SH3KBP1: variants seen among roughly 807,000 people sequenced by gnomAD.
SH3KBP1 encodes SH3 domain-containing kinase-binding protein 1.
SH3KBP1 carries 8 observed loss-of-function variants against 50.1 expected under a neutral mutation model. That is an observed-to-expected ratio of 0.16 (90% CI 0.09 to 0.29). SH3KBP1 has a LOEUF of 0.29. Among genes scored for constraint, SH3KBP1 ranks in the 10% least tolerant of loss-of-function variants. The pLI, the probability that SH3KBP1 is intolerant of heterozygous loss-of-function variation, is 1.00. For missense variants in SH3KBP1, 377 were observed against 535.2 expected (o/e 0.70, Z 2.92); for synonymous variants, 227 against 218.6 (o/e 1.04, Z -0.34).
Position 19,603,169 on chromosome X carries a change from T to A in SH3KBP1, c.1005+4769A>T, listed in dbSNP as rs2067142145. On this transcript the variant is annotated intron_variant, in intron 9 of 17. Coordinates refer to ENST00000397821, the MANE Select transcript of SH3KBP1 (RefSeq NM_031892.3). Reference sequence around the variant, plus strand: ...TCAAGGCTTAGTTGACTTCAACACATGGTTCCCTTGGCAGATCTTTCCCTT... The same window carrying A: ...TCAAGGCTTAGTTGACTTCAACACAAGGTTCCCTTGGCAGATCTTTCCCTT... Among the ~76,000 whole-genome samples, 3 of 112,369 alleles carry A rather than the reference T, an allele frequency of 2.7e-5. No homozygotes were observed. The South Asian group carries it at 1.1e-3, about 41-fold the overall frequency.
intron 8 of SH3KBP1, 139 bp downstream of exon 8, chrX:19,631,725 G>T (rs764959384): frequency 2.6e-6 from 1 of 377,693 alleles, no homozygotes. Context: ...TTGATCAAAA[G>T]GAAAGATACA....
chrX:19,799,154 C>A lies in SH3KBP1; in HGVS notation c.162+36971G>T, dbSNP rs190677984. 1.0e-4 allele frequency among the ~76,000 whole-genome samples: 11 copies of A among 110,351 alleles called. No homozygotes were observed. In the South Asian group the frequency reaches 3.6e-3, roughly 36 times the overall value. On this transcript the variant is annotated intron_variant, in intron 2 of 17. Transcript: ENST00000397821. ...GCTAAATTCCACACCTGGCTTCCCC[C>A]CTAGATTCCCAGATCTGCCAGCTGC...
At chrX:19,543,755 G>A (rs2065006330) in intron 15 of SH3KBP1, among the ~76,000 whole-genome samples, 1 of 111,416 alleles carries the variant, frequency 9.0e-6, no homozygotes, top group Admixed American at 9.5e-5. Context: ...GGCTGAAGGT[G>A]GAGGAGACTG....
At chrX:19,824,433 G>A (rs779339768) in intron 2 of SH3KBP1, among the ~76,000 whole-genome samples, 1 of 111,351 alleles carries the variant, frequency 9.0e-6, no homozygotes, top group East Asian at 2.8e-4. Context: ...AGAATCACCT[G>A]AACTTTTTAA....
At chrX:19,700,117 A>C (rs769542958) in intron 4 of SH3KBP1, among the ~76,000 whole-genome samples, 2 of 111,723 alleles carry the variant, frequency 1.8e-5, no homozygotes, top group African/African-American at 6.5e-5. Flanking sequence ...GCACCCAGAC[A>C]AACGAAGTCA....
In SH3KBP1 at chrX:19,789,058, A is replaced by G. The variant is rs186128852; in HGVS notation, c.163-42617T>C. ...AGAATTGCTTGAACCTGAGAGGCAG[A>G]GGTTGTGGTGAGCTGAGATTGCGCC... On this transcript the variant is annotated intron_variant, in intron 2 of 17. Transcript: ENST00000397821. Among the ~76,000 whole-genome samples, 122 of 111,831 alleles carry G rather than the reference A, an allele frequency of 1.1e-3. 1 individual carries two copies. The Admixed American group carries it at 0.011, about 10-fold the overall frequency.
chrX:19,591,118 A>C (rs1354161428), intron 11 of SH3KBP1, among the ~76,000 whole-genome samples: 1 of 110,370 alleles, frequency 9.1e-6, no homozygotes, highest in African/African-American at 3.3e-5. Flanking sequence ...GCTTCTTAAG[A>C]GCTGGCAATG....
intron 6 of SH3KBP1, among the ~76,000 whole-genome samples, chrX:19,662,819 CTT>C (rs754310237): frequency 8.7e-5 from 8 of 91,583 alleles, no homozygotes; most frequent in Non-Finnish European, 2.2e-5. Flanking sequence ...CCAGGACTGA[CTT>C]TTTTTTTTTT....
chrX:19,730,206 T>C (rs1394561885), intron 3 of SH3KBP1, among the ~76,000 whole-genome samples: 2 of 111,284 alleles, frequency 1.8e-5, no homozygotes, highest in African/African-American at 3.3e-5. Context: ...CTAAACAATA[T>C]TTAAAAAAAA....
At chrX:19,593,233 C>T in intron 10 of SH3KBP1, among the ~76,000 whole-genome samples, 1 of 111,368 alleles carries the variant, frequency 9.0e-6, no homozygotes, top group Non-Finnish European at 1.9e-5. Flanking sequence ...GGGCTGAGTT[C>T]TTAACAAACT....
intron 1 of SH3KBP1, among the ~76,000 whole-genome samples, chrX:19,857,294 C>G (rs1487833704): frequency 9.1e-6 from 1 of 110,361 alleles, no homozygotes. Context: ...CTGATGACAC[C>G]TGCGGCAGAA....
chrX:19,600,964 C>T lies in SH3KBP1; in HGVS notation c.1006-5964G>A, dbSNP rs781055126. Among the ~76,000 whole-genome samples, 3 of 111,744 alleles carry T rather than the reference C, an allele frequency of 2.7e-5. No individual in the cohort carries two copies. In the East Asian group the frequency reaches 8.4e-4, roughly 31 times the overall value. On this transcript the variant is annotated intron_variant, in intron 9 of 17. Coordinates refer to ENST00000397821, the MANE Select transcript of SH3KBP1 (RefSeq NM_031892.3). ...CAACAGCTAGTTGGTAGCCAGAGGG[C>T]CCAGAACTCTACGTTTCTCAATGTC...
At position 19,638,794 on chromosome X, in the gene SH3KBP1, A is replaced by C. The variant is rs372992519; in HGVS notation, c.802+6606T>G. 8.9e-4 allele frequency among the ~76,000 whole-genome samples: 100 copies of C among 111,775 alleles called. 3 individuals are homozygous for C. In the South Asian group the frequency reaches 0.037, roughly 42 times the overall value. On this transcript the variant is annotated intron_variant, in intron 7 of 17. Coordinates refer to ENST00000397821, the MANE Select transcript of SH3KBP1 (RefSeq NM_031892.3). ...TTCTGAGGATCTGGGGCTAGTGAGG[A>C]GTAGTGAAATACATACTAGGCTTGT...
In SH3KBP1 at chrX:19,535,344, A is replaced by G. The variant is rs1295748241; in HGVS notation, c.*1073T>C. 2 of 175,123 alleles carry G rather than the reference A, an allele frequency of 1.1e-5. No homozygotes were observed. The highest frequency in any genetic ancestry group is 2.1e-5 in the Non-Finnish European group (2 of 93,946). 14.4% of individuals were successfully genotyped at this position (175,123 alleles called of 1,213,427 possible). Reference sequence around the variant, plus strand: ...AAGGCAAATGACATTATGTGAATACAGTTTAAACGATAACACACACGGGTA... The same window carrying G: ...AAGGCAAATGACATTATGTGAATACGGTTTAAACGATAACACACACGGGTA... On this transcript the variant is annotated 3_prime_UTR_variant, in exon 18 of 18. Transcript: ENST00000397821.
intron 2 of SH3KBP1, among the ~76,000 whole-genome samples, chrX:19,797,398 C>T (rs183784236): frequency 1.8e-5 from 2 of 111,542 alleles, no homozygotes; most frequent in East Asian, 2.8e-4. Context: ...CTGGGACAGG[C>T]GAGAACTCAA....
intron 2 of SH3KBP1, among the ~76,000 whole-genome samples, chrX:19,759,656 C>G (rs1441653180): frequency 9.0e-6 from 1 of 111,061 alleles, no homozygotes; most frequent in Non-Finnish European, 1.9e-5. Flanking sequence ...CAAATTTCCA[C>G]GCAGCAACTC....
intron 5 of SH3KBP1, chrX:19,687,662 A>C (rs767348232): frequency 8.3e-7 from 1 of 1,208,835 alleles, no homozygotes; most frequent in Non-Finnish European, 1.1e-6. Context: ...GCAGCTCGGT[A>C]CAGAATTGTC....
chrX:19,587,430 G>A (rs2066606577), intron 12 of SH3KBP1, among the ~76,000 whole-genome samples: 1 of 110,865 alleles, frequency 9.0e-6, no homozygotes, highest in African/African-American at 3.3e-5. Context: ...CAATGTGAAC[G>A]TACTTAATGC....
intron 7 of SH3KBP1, among the ~76,000 whole-genome samples, chrX:19,633,137 C>T (rs954558810): frequency 6.3e-5 from 7 of 111,712 alleles, no homozygotes; most frequent in Admixed American, 4.7e-4. Context: ...TACAGATACA[C>T]TATGGTCTAG....
Sources: allele counts gnomAD v4.1 joint callset (sites outside exome capture counted in the v4.1 genomes callset), GRCh38; gene constraint gnomAD v4.1.1; transcripts MANE v1.5; gene names NCBI Gene and HGNC (gene_info 2026-07-23, HGNC 2026-07-21).